The following TLL1 variants were observed in gnomAD, a reference collection of about 807,000 sequenced individuals.
TLL1 encodes tolloid-like protein 1.
A neutral mutation model predicts 128.2 loss-of-function variants in TLL1; 49 were observed. The ratio of observed to expected loss-of-function variants is 0.38; its 90% CI spans 0.30 to 0.48. The LOEUF (loss-of-function observed/expected upper bound fraction) is 0.48, where lower values mean the gene tolerates loss of function less well. Among genes scored for constraint, TLL1 ranks in the 20% least tolerant of loss-of-function variants. The pLI, the probability that TLL1 is intolerant of heterozygous loss-of-function variation, is 0.96. For missense variants in TLL1, 1,123 were observed against 1,242.0 expected, an observed-to-expected ratio of 0.90 and a Z score of 1.44; for synonymous variants, 454 against 418.8, an observed-to-expected ratio of 1.08 and a Z score of -1.03.
chr4:165,879,814 G>T (rs750591101), intron 1 of TLL1, among the ~76,000 whole-genome samples: 1 of 151,978 alleles, frequency 6.6e-6, no homozygotes, highest in Non-Finnish European at 1.5e-5. Flanking sequence ...TCAGACTTAG[G>T]CCAGGACTCG....
intron 5 of TLL1, among the ~76,000 whole-genome samples, chr4:165,997,348 A>G (rs1268570628): frequency 6.6e-6 from 1 of 152,184 alleles, no homozygotes; most frequent in Non-Finnish European, 1.5e-5. Context: ...CAGTGTGGCA[A>G]TAAATGTGTA....
chr4:165,960,968 C>T (rs1735070165), intron 1 of TLL1, among the ~76,000 whole-genome samples: 1 of 152,000 alleles, frequency 6.6e-6, no homozygotes, highest in Admixed American at 6.6e-5. Context: ...GGAGGTTCTA[C>T]CCGGAATAAT....
intron 1 of TLL1, among the ~76,000 whole-genome samples, chr4:165,982,467 A>G (rs1213992626): frequency 2.0e-5 from 3 of 151,964 alleles, no homozygotes; most frequent in African/African-American, 7.2e-5. Flanking sequence ...GAGTTTTTAA[A>G]TTTTGGGAAG....
At chr4:165,931,796 A>G (rs1422169247) in intron 1 of TLL1, among the ~76,000 whole-genome samples, 1 of 152,160 alleles carries the variant, frequency 6.6e-6, no homozygotes, top group African/African-American at 2.4e-5. Flanking sequence ...AGCTCATTTC[A>G]CGATACCACA....
intron 1 of TLL1, among the ~76,000 whole-genome samples, chr4:165,892,436 GAA>G (rs1731471902): frequency 6.6e-6 from 1 of 152,140 alleles, no homozygotes; most frequent in South Asian, 2.1e-4. Context: ...ATGCTTTTCT[GAA>G]GTCATAAGCC....
intron 1 of TLL1, among the ~76,000 whole-genome samples, chr4:165,889,171 T>G (rs747793680): frequency 6.6e-6 from 1 of 152,186 alleles, no homozygotes; most frequent in Admixed American, 6.5e-5. Context: ...TTTTAAATGT[T>G]AAACATCATC....
chr4:165,963,341 A>G (rs1011123892), intron 1 of TLL1, among the ~76,000 whole-genome samples: 6 of 152,112 alleles, frequency 3.9e-5, no homozygotes, highest in African/African-American at 1.4e-4. Flanking sequence ...GTTGAACAAA[A>G]AAAGAAAAGA....
chr4:165,885,669 T>C (rs1473718574), intron 1 of TLL1, among the ~76,000 whole-genome samples: 1 of 152,096 alleles, frequency 6.6e-6, no homozygotes, highest in South Asian at 2.1e-4. Context: ...TATCAGAGCA[T>C]GTTAGTGTCA....
At chr4:166,077,165 T>A (rs544148267) in intron 17 of TLL1, among the ~76,000 whole-genome samples, 1 of 152,122 alleles carries the variant, frequency 6.6e-6, no homozygotes, top group South Asian at 2.1e-4. Context: ...GGATATTAAA[T>A]GTTTTTGAAA....
intron 12 of TLL1, among the ~76,000 whole-genome samples, chr4:166,048,238 G>GAAAA (rs56801648): frequency 3.0e-5 from 3 of 100,676 alleles, no homozygotes; most frequent in African/African-American, 6.9e-5. Flanking sequence ...TTCCGTCTCG[G>GAAAA]AAAAAAAAAA....
At chr4:165,980,666 C>A (rs1736112980) in intron 1 of TLL1, among the ~76,000 whole-genome samples, 1 of 151,862 alleles carries the variant, frequency 6.6e-6, no homozygotes, top group Non-Finnish European at 1.5e-5. Context: ...TTCAAAGTAG[C>A]CTTCAAATAC....
chr4:165,913,309 T>A (rs547973518), intron 1 of TLL1, among the ~76,000 whole-genome samples: 2 of 152,314 alleles, frequency 1.3e-5, no homozygotes, highest in African/African-American at 2.4e-5. Flanking sequence ...TGTTGCTGAA[T>A]GTTGTCTGAT....
At chr4:165,918,105 A>T (rs1004051987) in intron 1 of TLL1, among the ~76,000 whole-genome samples, 1 of 152,216 alleles carries the variant, frequency 6.6e-6, no homozygotes, top group Non-Finnish European at 1.5e-5. Context: ...AGAAGATAGT[A>T]TAGTAAGTAA....
At chr4:166,028,720 A>G (rs542687781) in intron 9 of TLL1, among the ~76,000 whole-genome samples, 7 of 152,112 alleles carry the variant, frequency 4.6e-5, no homozygotes, top group Admixed American at 4.6e-4. Flanking sequence ...TCACTGTATA[A>G]TGAATTTCTT....
rs1742375576 is a variant in TLL1 at position 166,103,404 on chromosome 4, C to T, written c.*2528C>T. The T allele has an allele frequency of 6.6e-6, 1 of 151,604 alleles. No homozygotes were observed. The highest frequency in any genetic ancestry group is 2.4e-5 in the African/African-American group (1 of 41,334). The allele number at this position is 151,604 out of a possible 1,614,324, so 9.4% of individuals were successfully genotyped here. On this transcript the variant is annotated 3_prime_UTR_variant, in exon 21 of 21. Coordinates refer to ENST00000061240, the MANE Select transcript of TLL1 (RefSeq NM_012464.5). ...CCTATAGTTTGGAGTTAGTATGAGC[C>T]TTTTGTGAAAATAAATATATTAAAT... is the stretch of plus-strand genomic sequence containing the variant.
chr4:166,002,732 A>C (rs1737228566), intron 5 of TLL1, among the ~76,000 whole-genome samples: 1 of 152,238 alleles, frequency 6.6e-6, no homozygotes, highest in Non-Finnish European at 1.5e-5. Flanking sequence ...GGCATGAGCC[A>C]CTGCAACCAG....
At chr4:166,058,374 C>A (rs1305086306) in intron 14 of TLL1, among the ~76,000 whole-genome samples, 2 of 152,094 alleles carry the variant, frequency 1.3e-5, no homozygotes, top group Admixed American at 6.6e-5. Flanking sequence ...TTAGAATCAT[C>A]TTTGTATCTC....
intron 1 of TLL1, among the ~76,000 whole-genome samples, chr4:165,891,125 A>G (rs1448347761): frequency 1.3e-5 from 2 of 152,066 alleles, no homozygotes; most frequent in African/African-American, 4.8e-5. Flanking sequence ...CAAGTCACTA[A>G]GTGTTGAGAC....
intron 1 of TLL1, among the ~76,000 whole-genome samples, chr4:165,948,709 A>T (rs1434914829): frequency 1.3e-5 from 2 of 152,150 alleles, no homozygotes; most frequent in African/African-American, 4.8e-5. Context: ...ATCTATTCAT[A>T]AGAGCTCTTC....
Sources: gnomAD v4.1 joint callset for allele counts (sites outside exome capture counted in the v4.1 genomes callset) on GRCh38, gnomAD v4.1.1 for gene constraint, MANE v1.5 for transcripts, NCBI Gene and HGNC (gene_info 2026-07-23, HGNC 2026-07-21) for gene names.